PCNT: variants seen among roughly 807,000 people sequenced by gnomAD.
PCNT encodes the protein pericentrin.
In PCNT, 319 loss-of-function variants were observed where a neutral mutation model predicts 380.4. The observed-to-expected ratio is 0.84, with a 90% CI of 0.77 to 0.92. The LOEUF (loss-of-function observed/expected upper bound fraction) is 0.92, where lower values mean the gene tolerates loss of function less well. Ranked by LOEUF, PCNT falls within the 40% of genes least tolerant of loss-of-function variation. PCNT has a pLI of 0.00. For synonymous variants in PCNT, 1,845 were observed against 1,735.2 expected, an observed-to-expected ratio of 1.06 and a Z score of -1.57; for missense variants, 4,400 against 4,255.3, an observed-to-expected ratio of 1.03 and a Z score of -0.95.
At position 46,436,028 on chromosome 21, in the gene PCNT, G is replaced by T; in HGVS notation, c.8876G>T (p.Arg2959Met). Reference protein sequence around the residue: ...GSRLHLGSARRAAGSDADHLR... With the variant: ...GSRLHLGSARMAAGSDADHLR... ...CGCCTCCACCTAGGTTCTGCCCGCA[G>T]GGCTGCCGGCTCGGATGCGGACCAC... Residue 2959 changes from arginine to methionine, a missense_variant, in exon 39 of 47, where the codon AGG (arginine) becomes ATG (methionine). Physicochemically the swap from Arg to Met is moderately conservative, Grantham distance 91. Transcript: ENST00000359568. The T allele has an allele frequency of 6.2e-7, 1 of 1,614,056 alleles. No homozygotes were observed. The highest frequency in any genetic ancestry group is 8.5e-7 in the Non-Finnish European group (1 of 1,180,002).
intron 43 of PCNT, among the ~76,000 whole-genome samples, chr21:46,442,252 G>A (rs1478666442): frequency 1.3e-5 from 2 of 152,116 alleles, no homozygotes; most frequent in Non-Finnish European, 2.9e-5. Context: ...CGGTGGGGCC[G>A]CAGTGAGGCT....
At chr21:46,398,362 G>T in intron 24 of PCNT, 107 bp downstream of exon 24, 2 of 1,203,424 alleles carry the variant, frequency 1.7e-6, no homozygotes, top group Admixed American at 2.0e-5. Context: ...TCTTGTTTGG[G>T]CTGCAGCCAT....
intron 43 of PCNT, among the ~76,000 whole-genome samples, chr21:46,441,658 G>A (rs1202821665): frequency 6.6e-6 from 1 of 152,134 alleles, no homozygotes; most frequent in Non-Finnish European, 1.5e-5. Flanking sequence ...CCTGACCGTA[G>A]GCCTCCACCG....
At chr21:46,395,787 T>C (rs79638508) in intron 21 of PCNT, among the ~76,000 whole-genome samples, 114 of 141,520 alleles carry the variant, frequency 8.1e-4, no homozygotes, top group African/African-American at 2.4e-3. Context: ...GACTTCAGGA[T>C]TCGGCAGCAG....
At chr21:46,360,722 G>GCA (rs2084682881) in intron 13 of PCNT, among the ~76,000 whole-genome samples, 3 of 150,504 alleles carry the variant, frequency 2.0e-5, no homozygotes, top group Non-Finnish European at 3.0e-5. Flanking sequence ...GTTTCACCAT[G>GCA]TTAGCCAGGA....
At chr21:46,385,506 A>G (rs1196022385) in intron 16 of PCNT, among the ~76,000 whole-genome samples, 1 of 152,174 alleles carries the variant, frequency 6.6e-6, no homozygotes, top group East Asian at 1.9e-4. Flanking sequence ...ATGTTTGTGT[A>G]TTCTTTTGTA....
At chr21:46,375,165 G>A (rs1466518350) in intron 15 of PCNT, among the ~76,000 whole-genome samples, 1 of 152,120 alleles carries the variant, frequency 6.6e-6, no homozygotes, top group Non-Finnish European at 1.5e-5. Context: ...CCCCTGCCCT[G>A]CCCTGCCCCG....
chr21:46,398,708 T>C (rs1176312867), intron 24 of PCNT, among the ~76,000 whole-genome samples: 2 of 152,234 alleles, frequency 1.3e-5, no homozygotes, highest in African/African-American at 4.8e-5. Context: ...TCTTGGGGGA[T>C]TGACACCATT....
chr21:46,399,526 G>A, intron 24 of PCNT, 64 bp from the exon 25 acceptor site: 1 of 1,304,054 alleles, frequency 7.7e-7, no homozygotes, highest in South Asian at 1.2e-5. Context: ...GTACTTTTTT[G>A]TTTGGAAAAT....
chr21:46,436,012 C>T lies in PCNT; in HGVS notation c.8860C>T (p.Leu2954=). 1 of 1,614,134 alleles carries T rather than the reference C, an allele frequency of 6.2e-7. No homozygotes were observed. Among genetic ancestry groups the T allele is most frequent in the Non-Finnish European group, 8.5e-7 (1 of 1,180,020 alleles). Residue 2954 remains leucine, a synonymous_variant, in exon 39 of 47, where the codon CTA becomes TTA. Transcript: ENST00000359568. ...KDEVPGSRLH[L]GSARRAAGSD... Reference sequence around the variant, plus strand: ...CGAGGTGCCTGGCAGCCGCCTCCACCTAGGTTCTGCCCGCAGGGCTGCCGG... The same window carrying T: ...CGAGGTGCCTGGCAGCCGCCTCCACTTAGGTTCTGCCCGCAGGGCTGCCGG...
Position 46,443,805 on chromosome 21 carries a change from G to A in PCNT, c.9701-5G>A. The A allele has an allele frequency of 6.2e-7, 1 of 1,613,720 alleles. No homozygotes were observed. The highest frequency in any genetic ancestry group is 8.5e-7 in the Non-Finnish European group (1 of 1,179,938). On this transcript the variant is annotated splice_polypyrimidine_tract_variant and splice_region_variant and intron_variant, in intron 44 of 46. Transcript: ENST00000359568. The stretch of plus-strand genomic sequence containing the variant: ...TCCCTTGGTTGTTAAATAATTCTGG[G>A]GAAGGGCCCCGAGCACGACAGCCGC...
chr21:46,442,578 G>C lies in PCNT; in HGVS notation c.9700+5G>C. ...AAGGCAAAGCCCCTCGCCCAGGTGG[G>C]ACTCCAGCTGCTGTTGACCGCTGGA... On this transcript the variant is annotated splice_donor_5th_base_variant and intron_variant, in intron 44 of 46. Coordinates refer to ENST00000359568, the MANE Select transcript of PCNT (RefSeq NM_006031.6). 6.4e-7 allele frequency: 1 copy of C among 1,572,034 alleles called. No individual in the cohort carries two copies. Among genetic ancestry groups the C allele is most frequent in the Non-Finnish European group, 8.8e-7 (1 of 1,141,824 alleles).
chr21:46,366,548 A>G (rs1601854631), intron 14 of PCNT, 36 bp from the exon 15 acceptor site: 1 of 1,568,706 alleles, frequency 6.4e-7, no homozygotes, highest in East Asian at 2.2e-5. Flanking sequence ...TTCCTGATGC[A>G]TGTTTAACTG....
intron 45 of PCNT, among the ~76,000 whole-genome samples, chr21:46,444,254 G>A (rs1357863139): frequency 1.3e-5 from 2 of 152,200 alleles, no homozygotes; most frequent in African/African-American, 4.8e-5. Context: ...CTGCCGTGAA[G>A]ATACTTGGAA....
intron 3 of PCNT, among the ~76,000 whole-genome samples, chr21:46,343,395 T>G (rs1412790746): frequency 6.6e-6 from 1 of 152,196 alleles, no homozygotes; most frequent in Non-Finnish European, 1.5e-5. Context: ...GATGATCATA[T>G]GATTTTTCTT....
rs1569148187 is a variant in PCNT at position 46,324,288 on chromosome 21, CATT to C, written c.54+8_54+10del. Reference sequence around the variant, plus strand: ...TGGAGGCCGGGAGGACGAAGGTAAACATTAGGGGCTTCTTCTCTAGCTGCTCTG... The same window carrying C: ...TGGAGGCCGGGAGGACGAAGGTAAACAGGGGCTTCTTCTCTAGCTGCTCTG... On this transcript the variant is annotated splice_region_variant and intron_variant, in intron 1 of 46. Coordinates refer to ENST00000359568, the MANE Select transcript of PCNT (RefSeq NM_006031.6). 8.1e-6 allele frequency: 13 copies of C among 1,606,566 alleles called. No homozygotes were observed. Among genetic ancestry groups the C allele is most frequent in the Middle Eastern group, 3.3e-4 (2 of 6,032 alleles).
At chr21:46,391,554 T>G (rs1449459630) in intron 21 of PCNT, among the ~76,000 whole-genome samples, 178 bp downstream of exon 21, 2 of 152,212 alleles carry the variant, frequency 1.3e-5, no homozygotes, top group Non-Finnish European at 2.9e-5. Flanking sequence ...AGGCATCCAC[T>G]GGCTTTGCTG....
intron 40 of PCNT, 69 bp from the exon 41 acceptor site, chr21:46,438,092 TGAC>T: frequency 8.1e-7 from 1 of 1,233,620 alleles, no homozygotes; most frequent in Non-Finnish European, 1.2e-6. Context: ...AAATAACTGT[TGAC>T]AAAAAACACA....
At position 46,357,254 on chromosome 21, in the gene PCNT, G is replaced by A. The variant is rs904322963; in HGVS notation, c.2154+63G>A. ...AGTCCTTGCTCTCTTCCACCTGGAAGGCTTGTGTCCTTGTGTATGGAGGGG... is the reference window on the plus strand; with the variant it reads ...AGTCCTTGCTCTCTTCCACCTGGAAAGCTTGTGTCCTTGTGTATGGAGGGG... On this transcript the variant is annotated intron_variant, in intron 13 of 46. Coordinates refer to ENST00000359568, the MANE Select transcript of PCNT (RefSeq NM_006031.6). The A allele has an allele frequency of 8.5e-5, 103 of 1,210,680 alleles. 1 individual carries two copies. Among genetic ancestry groups the A allele is most frequent in the South Asian group, 2.1e-4 (17 of 82,684 alleles). The allele number at this position is 1,210,680 out of a possible 1,614,324, so 75.0% of individuals were successfully genotyped here.
Sources: allele counts gnomAD v4.1 joint callset (sites outside exome capture counted in the v4.1 genomes callset), GRCh38; gene constraint gnomAD v4.1.1; transcripts MANE v1.5; gene names NCBI Gene and HGNC (gene_info 2026-07-23, HGNC 2026-07-21).